The following POLRMT variants were observed in gnomAD, a reference collection of about 807,000 sequenced individuals.
POLRMT encodes the protein DNA-directed RNA polymerase, mitochondrial.
Under a neutral mutation model 132.2 loss-of-function variants are expected in POLRMT, and 114 were observed. The observed-to-expected ratio is 0.86, with a 90% CI of 0.74 to 1.01. The LOEUF is 1.01. Among genes scored for constraint, POLRMT ranks in the 50% least tolerant of loss-of-function variants. POLRMT has a pLI of 0.00. For synonymous variants in POLRMT, 1,020 were observed against 773.4 expected, an observed-to-expected ratio of 1.32 and a Z score of -5.29; for missense variants, 2,003 against 1,729.1, an observed-to-expected ratio of 1.16 and a Z score of -2.81.
chr19:620,120 G>A (rs61445715), intron 11 of POLRMT, 40 bp from the exon 12 acceptor site: 29 of 1,532,278 alleles, frequency 1.9e-5, no homozygotes, highest in African/African-American at 2.7e-5. Context: ...AAGCTAGAGA[G>A]GCAGAGACGT....
In POLRMT at chr19:619,526, C is replaced by T. The variant is rs557907212; in HGVS notation, c.3066+60G>A. The T allele has an allele frequency of 2.1e-5, 34 of 1,593,806 alleles. No homozygotes were observed. In the South Asian group the frequency reaches 2.8e-4, roughly 13 times the overall value. On this transcript the variant is annotated intron_variant, in intron 13 of 20. Coordinates refer to ENST00000588649, the MANE Select transcript of POLRMT (RefSeq NM_005035.4). ...TGGGAGGCTGGGTCGGGGGCACACC[C>T]GTCTGAGTTTTAAATGGCAGTGAAA... is the stretch of plus-strand genomic sequence containing the variant.
intron 10 of POLRMT, among the ~76,000 whole-genome samples, chr19:620,757 G>A (rs1984468164): frequency 7.1e-6 from 1 of 140,196 alleles, no homozygotes; most frequent in Non-Finnish European, 1.6e-5. Flanking sequence ...GGGGCGCCGG[G>A]GGAGGAAGCA....
At position 619,770 on chromosome 19, in the gene POLRMT, A is replaced by G. The variant is rs760388809; in HGVS notation, c.2887-5T>C. 21 of 1,565,536 alleles carry G rather than the reference A, an allele frequency of 1.3e-5. No individual in the cohort carries two copies. The South Asian group carries it at 2.1e-4, about 16-fold the overall frequency. On this transcript the variant is annotated splice_region_variant and splice_polypyrimidine_tract_variant and intron_variant, in intron 12 of 20. Coordinates refer to ENST00000588649, the MANE Select transcript of POLRMT (RefSeq NM_005035.4). The stretch of plus-strand genomic sequence containing the variant: ...CTGCCTACGGAACACCTCCACCTGC[A>G]CGGCGGGTGGGCCGGGGGCGCGGGT...
Position 630,128 on chromosome 19 carries a change from C to T in POLRMT, c.234G>A (p.Val78=). 6.2e-7 allele frequency: 1 copy of T among 1,610,016 alleles called. No homozygotes were observed. Among genetic ancestry groups the T allele is most frequent in the Non-Finnish European group, 8.5e-7 (1 of 1,177,714 alleles). Residue 78 remains valine, a synonymous_variant, in exon 3 of 21, where the codon GTG becomes GTA. Coordinates refer to ENST00000588649, the MANE Select transcript of POLRMT (RefSeq NM_005035.4). ...CCACCCTGTTCACCACCACCTCCGA[C>T]ACGCTCTCAGCCTGCAGCTGCCGCA... ...ARVRQLQAES[V]SEVVVNRVDV...
rs1984364106 is a variant in POLRMT, at chr19:619,837, GC to G, written c.2887-73del. ...CCAGGGGCCACCAAGCACCCATGAA[GC>G]CCCCGCCCCAGCCCCACCACATCCT... On this transcript the variant is annotated intron_variant, in intron 12 of 20. Coordinates refer to ENST00000588649, the MANE Select transcript of POLRMT (RefSeq NM_005035.4). 3.9e-6 allele frequency: 6 copies of G among 1,551,956 alleles called. No individual in the cohort carries two copies. The South Asian group carries it at 7.2e-5, about 19-fold the overall frequency.
In POLRMT at chr19:624,780, A is replaced by T; in HGVS notation, c.1079T>A (p.Leu360His). 1 of 1,613,282 alleles carries T rather than the reference A, an allele frequency of 6.2e-7. No homozygotes were observed. Among genetic ancestry groups the T allele is most frequent in the African/African-American group, 1.3e-5 (1 of 75,054 alleles). The change falls in exon 5 of 21, where the codon CTC becomes CAC. Residue 360 changes from leucine (L) to histidine (H), a missense_variant. By Grantham distance (99) the Leu-to-His change is moderately conservative. Transcript: ENST00000588649. ...GACCGGGGGCGGCAGCTGCGGCGGG[A>T]GGCTGAAGGTGGGCTTCACCTTGTG... ...AVHKVKPTFS[L>H]PPQLPPPVNT...
rs374194481 is a variant in POLRMT at position 620,046 on chromosome 19, G to A, written c.2798C>T (p.Ala933Val). ...GSCNGLQHYAALGRDSVGAAS... is the reference protein window; with the variant it reads ...GSCNGLQHYAVLGRDSVGAAS... ...GGCGCCCACGCTGTCGCGGCCCAGA[G>A]CAGCATAATGCTGCAGGCCGTTGCA... Residue 933 changes from alanine (A) to valine (V), a missense_variant, in exon 12 of 21, where the codon GCT (alanine) becomes GTT (valine). Coordinates refer to ENST00000588649, the MANE Select transcript of POLRMT (RefSeq NM_005035.4). The A allele has an allele frequency of 4.5e-6, 7 of 1,552,688 alleles. No homozygotes were observed. The South Asian group carries it at 4.7e-5, about 10-fold the overall frequency.
intron 6 of POLRMT, 120 bp downstream of exon 6, chr19:623,334 G>A (rs574426250): frequency 1.4e-6 from 2 of 1,472,736 alleles, no homozygotes; most frequent in African/African-American, 2.8e-5. Context: ...CCCTGCGGCG[G>A]ACACGCGACC....
intron 9 of POLRMT, 83 bp downstream of exon 9, chr19:622,066 C>A: frequency 7.5e-7 from 1 of 1,324,572 alleles, no homozygotes; most frequent in Admixed American, 2.3e-5. Flanking sequence ...GAGATCAAGG[C>A]TCCGCCCAAA....
intron 3 of POLRMT, among the ~76,000 whole-genome samples, chr19:627,942 A>G (rs561328775): frequency 8.4e-4 from 127 of 151,802 alleles, no homozygotes; most frequent in African/African-American, 3.0e-3. Context: ...AAAAAAAAAA[A>G]AAGATAGAAG....
At chr19:632,095 C>T (rs148534969) in intron 2 of POLRMT, among the ~76,000 whole-genome samples, 12 of 148,442 alleles carry the variant, frequency 8.1e-5, no homozygotes, top group Non-Finnish European at 1.2e-4. Flanking sequence ...CCTCTTGATC[C>T]GCCCACCTTG....
rs749370066 is a variant in POLRMT at position 617,658 on chromosome 19, G to A, written c.3496-3C>T. On this transcript the variant is annotated splice_region_variant and splice_polypyrimidine_tract_variant and intron_variant, in intron 18 of 20. Transcript: ENST00000588649. ...CGGACAAACTGCTCCCGGCACACCT[G>A]GGCAGGAGTCAGAGGATCCCCAGGG... 7 of 1,612,422 alleles carry A rather than the reference G, an allele frequency of 4.3e-6. No individual in the cohort carries two copies. The East Asian group carries it at 1.1e-4, about 26-fold the overall frequency.
chr19:620,966 G>GGGGCGCCGGGGGA (rs1984512705), intron 10 of POLRMT, 92 bp downstream of exon 10: 1 of 572,624 alleles, frequency 1.7e-6, no homozygotes, highest in Non-Finnish European at 2.4e-6. Flanking sequence ...AGACGGGCAG[G>GGGGCGCCGGGGGA]GGGCGCGGGG....
chr19:618,427 C>T (rs1984188753), intron 17 of POLRMT, 61 bp downstream of exon 17: 2 of 1,345,728 alleles, frequency 1.5e-6, no homozygotes, highest in Admixed American at 2.0e-5. Context: ...CAGCTGTGCC[C>T]TGCTAGCCAG....
intron 3 of POLRMT, among the ~76,000 whole-genome samples, chr19:627,620 G>A (rs1341145107): frequency 2.0e-5 from 3 of 152,040 alleles, no homozygotes; most frequent in African/African-American, 7.2e-5. Context: ...AAGTTCTACT[G>A]GATGGTGCTG....
At position 622,650 on chromosome 19, in the gene POLRMT, T is replaced by C. The variant is rs749238791; in HGVS notation, c.1558A>G (p.Ser520Gly). Residue 520 changes from serine (S) to glycine (G), a missense_variant, in exon 8 of 21, where the codon AGT (serine) becomes GGT (glycine). By Grantham distance (56) the Ser-to-Gly change is moderately conservative. Transcript: ENST00000588649. ...TTCTGCAGCGCCTGCACCTGGCCAC[T>C]GACCCGCTGCCTCTGCACCACGTGC... ...SRHVVQRQRV[S>G]GQVQALQNHY... The C allele has an allele frequency of 2.0e-5, 32 of 1,606,990 alleles. No individual in the cohort carries two copies. Among genetic ancestry groups the C allele is most frequent in the African/African-American group, 2.7e-5 (2 of 74,750 alleles).
chr19:617,284 AAGT>A lies in POLRMT; in HGVS notation c.3680_3682del (p.Tyr1227del). ...AAGGCTCACGGGGTGTCAGCTGAAGAAGTAGGTGGAACGCTTCACCTGCTCCAG... is the reference window on the plus strand; with the variant it reads ...AAGGCTCACGGGGTGTCAGCTGAAGAAGGTGGAACGCTTCACCTGCTCCAG... On this transcript the variant is annotated inframe_deletion, in exon 21 of 21. Coordinates refer to ENST00000588649, the MANE Select transcript of POLRMT (RefSeq NM_005035.4). The A allele has an allele frequency of 6.2e-7, 1 of 1,612,750 alleles. No homozygotes were observed. Among genetic ancestry groups the A allele is most frequent in the South Asian group, 1.1e-5 (1 of 91,064 alleles).
At position 618,575 on chromosome 19, in the gene POLRMT, G is replaced by C; in HGVS notation, c.3335C>G (p.Thr1112Arg). 6.2e-7 allele frequency: 1 copy of C among 1,612,878 alleles called. No homozygotes were observed. ...HNGDISRKPN[T>R]RKQKNGFPPN... is the part of the protein sequence containing the mutation. ...CGGGAAGCCGTTCTTCTGCTTACGTGTGTTGGGCTTTCTGAGGACGGAACA... is the reference window on the plus strand; with the variant it reads ...CGGGAAGCCGTTCTTCTGCTTACGTCTGTTGGGCTTTCTGAGGACGGAACA... Residue 1112 changes from threonine (T) to arginine (R), a missense_variant, in exon 17 of 21, where the codon ACA (threonine) becomes AGA (arginine). Physicochemically the swap from Thr to Arg is moderately conservative, Grantham distance 71 (BLOSUM62 -1). Coordinates refer to ENST00000588649, the MANE Select transcript of POLRMT (RefSeq NM_005035.4).
At chr19:633,397 G>A in intron 1 of POLRMT, 28 bp downstream of exon 1, 2 of 1,493,394 alleles carry the variant, frequency 1.3e-6, no homozygotes, top group East Asian at 2.7e-5. Flanking sequence ...TGGCCCCCGG[G>A]CTGCCTGGCC....
Sources: allele counts gnomAD v4.1 joint callset (sites outside exome capture counted in the v4.1 genomes callset), GRCh38; gene constraint gnomAD v4.1.1; transcripts MANE v1.5; gene names NCBI Gene and HGNC (gene_info 2026-07-23, HGNC 2026-07-21).